The following DCUN1D5 variants were observed in gnomAD, a reference collection of about 807,000 sequenced individuals.
DCUN1D5 encodes the protein DCN1-like protein 5.
Under a neutral mutation model 38.3 loss-of-function variants are expected in DCUN1D5, and 10 were observed. The ratio of observed to expected loss-of-function variants is 0.26; its 90% CI spans 0.16 to 0.44. The LOEUF (loss-of-function observed/expected upper bound fraction) is 0.44. DCUN1D5 is among the 20% of genes least tolerant of loss of function. DCUN1D5 has a pLI of 1.00. For synonymous variants in DCUN1D5, 93 were observed against 90.9 expected (o/e 1.02, Z -0.13); for missense variants, 148 against 275.3 (o/e 0.54, Z 3.27).
chr11:103,066,510 A>G lies in DCUN1D5; in HGVS notation c.399T>C (p.Asn133=), dbSNP rs775318689. 5.6e-6 allele frequency: 9 copies of G among 1,612,946 alleles called. No homozygotes were observed. In the East Asian group the frequency reaches 2.0e-4, roughly 36 times the overall value. Residue 133 remains asparagine, a synonymous_variant, in exon 5 of 8, where the codon AAT becomes AAC. Transcript: ENST00000260247. This position sits in a 1 kb window ranked among gnomAD's most constrained non-coding sequence, Gnocchi z 4.7. ...NKFDFLRSQL[N]DISSFKNIYR... is the part of the protein sequence containing the mutation. ...AGATATTCTTAAATGACGAAATATCATTCAACTGTGAGCGCAAAAAGTCAA... is the reference window on the plus strand; with the variant it reads ...AGATATTCTTAAATGACGAAATATCGTTCAACTGTGAGCGCAAAAAGTCAA...
At position 103,078,887 on chromosome 11, in the gene DCUN1D5, C is replaced by T; in HGVS notation, c.341+3861G>A. Among the ~76,000 whole-genome samples the T allele has an allele frequency of 6.6e-6, 1 of 152,214 alleles. No homozygotes were observed. Among genetic ancestry groups the T allele is most frequent in the East Asian group, 1.9e-4 (1 of 5,196 alleles). ...ACCTACTCAGCTGAAATTAACCTTACTCATCTGTGCTTTCATAGTATCTTG... is the reference window on the plus strand; with the variant it reads ...ACCTACTCAGCTGAAATTAACCTTATTCATCTGTGCTTTCATAGTATCTTG... On this transcript the variant is annotated intron_variant, in intron 4 of 7. Transcript: ENST00000260247. This position sits in a 1 kb window ranked among gnomAD's most constrained non-coding sequence, Gnocchi z 4.6.
rs921781412 is a variant in DCUN1D5, at chr11:103,066,659, G to A, written c.342-92C>T. On this transcript the variant is annotated intron_variant, in intron 4 of 7. Coordinates refer to ENST00000260247, the MANE Select transcript of DCUN1D5 (RefSeq NM_032299.4). This position sits in a 1 kb window ranked among gnomAD's most constrained non-coding sequence, Gnocchi z 4.7. ...TTAGACGTAATGCATTAAGAAAAAA[G>A]TGAGCGCATTTATGAAGTTAATTTA... is the stretch of plus-strand genomic sequence containing the variant. 5.9e-5 allele frequency: 40 copies of A among 678,992 alleles called. No homozygotes were observed. The highest frequency in any genetic ancestry group is 9.0e-5 in the Non-Finnish European group (37 of 408,844). The allele number at this position is 678,992 out of a possible 1,614,324, so 42.1% of individuals were successfully genotyped here.
chr11:103,080,770 A>T (rs970542157), intron 4 of DCUN1D5, among the ~76,000 whole-genome samples: 2 of 152,168 alleles, frequency 1.3e-5, no homozygotes, highest in African/African-American at 2.4e-5. Context: ...GGACTTTGGG[A>T]GGTCGAGGCA....
In DCUN1D5 at chr11:103,060,921, T is replaced by C. The variant is rs1357272703; in HGVS notation, c.*1438A>G. 1.3e-5 allele frequency among the ~76,000 whole-genome samples: 2 copies of C among 152,174 alleles called. No homozygotes were observed. Among genetic ancestry groups the C allele is most frequent in the African/African-American group, 2.4e-5 (1 of 41,450 alleles). On this transcript the variant is annotated 3_prime_UTR_variant, in exon 8 of 8. Coordinates refer to ENST00000260247, the MANE Select transcript of DCUN1D5 (RefSeq NM_032299.4). The stretch of plus-strand genomic sequence containing the variant: ...TCAGTTCATAACTCAGTGATTCTAA[T>C]ACTTAAGAGGAGCATTCTGTATTAT...
Position 103,092,039 on chromosome 11 carries a change from G to A in DCUN1D5, c.-167C>T. 1.6e-6 allele frequency: 1 copy of A among 618,444 alleles called. No homozygotes were observed. Among genetic ancestry groups the A allele is most frequent in the Non-Finnish European group, 2.8e-6 (1 of 355,810 alleles). 38.3% of individuals were successfully genotyped at this position (618,444 alleles called of 1,614,324 possible). On this transcript the variant is annotated 5_prime_UTR_variant, in exon 1 of 8. Coordinates refer to ENST00000260247, the MANE Select transcript of DCUN1D5 (RefSeq NM_032299.4). ...CAGCCCGGCCGCCGCCCGCTCCCAG[G>A]TATCCTCGTCGTCTTTCTCTGACCG...
chr11:103,069,658 T>C (rs1011038143), intron 4 of DCUN1D5, among the ~76,000 whole-genome samples: 2 of 152,210 alleles, frequency 1.3e-5, no homozygotes, highest in African/African-American at 4.8e-5. Flanking sequence ...AAGGCACTCC[T>C]ATCCCTTTCA....
rs1203960026 is a variant in DCUN1D5 at position 103,060,238 on chromosome 11, G to A, written c.*2121C>T. On this transcript the variant is annotated 3_prime_UTR_variant, in exon 8 of 8. Coordinates refer to ENST00000260247, the MANE Select transcript of DCUN1D5 (RefSeq NM_032299.4). ...GGCCTCAGTGGTACTGGACTCCAAA[G>A]TATGGCTAGGGTAGGATAGGACAGT... Among the ~76,000 whole-genome samples the A allele has an allele frequency of 4.6e-5, 7 of 152,210 alleles. No individual in the cohort carries two copies. Among genetic ancestry groups the A allele is most frequent in the East Asian group, 3.9e-4 (2 of 5,176 alleles).
Position 103,058,293 on chromosome 11 carries a change from G to C in DCUN1D5, c.*4066C>G, listed in dbSNP as rs1861926787. Among the ~76,000 whole-genome samples the C allele has an allele frequency of 6.6e-6, 1 of 152,160 alleles. No homozygotes were observed. The highest frequency in any genetic ancestry group is 1.5e-5 in the Non-Finnish European group (1 of 68,026). On this transcript the variant is annotated 3_prime_UTR_variant, in exon 8 of 8. Coordinates refer to ENST00000260247, the MANE Select transcript of DCUN1D5 (RefSeq NM_032299.4). ...CACCAATAACAACTGGTCAGGAAAA[G>C]GAGCAAAGGAAACACTATCTGTACT...
chr11:103,064,521 G>C lies in DCUN1D5; in HGVS notation c.556-144C>G, dbSNP rs1862087204. 1.7e-6 allele frequency: 1 copy of C among 605,370 alleles called. No individual in the cohort carries two copies. Among genetic ancestry groups the C allele is most frequent in the South Asian group, 2.7e-5 (1 of 37,636 alleles). The allele number at this position is 605,370 out of a possible 1,614,324, so 37.5% of individuals were successfully genotyped here. A position where few individuals can be genotyped will look rare whatever the true frequency, so the allele number is the denominator to read the frequency against. On this transcript the variant is annotated intron_variant, in intron 6 of 7. Transcript: ENST00000260247. The surrounding 1 kb of genome is among the most constrained non-coding windows in gnomAD (Gnocchi z 4.5). ...TTTTTAATTATTTGTGTTTCTAAGA[G>C]ATTCCTCATGGGCATTTACATATTA... is the stretch of plus-strand genomic sequence containing the variant.
At position 103,066,144 on chromosome 11, in the gene DCUN1D5, T is replaced by A. The variant is rs371207868; in HGVS notation, c.555+125A>T. 2.3e-4 allele frequency: 129 copies of A among 551,638 alleles called. No individual in the cohort carries two copies. In the East Asian group the frequency reaches 2.7e-3, roughly 12 times the overall value. The allele number at this position is 551,638 out of a possible 1,614,324, so 34.2% of individuals were successfully genotyped here. On this transcript the variant is annotated intron_variant, in intron 6 of 7. Coordinates refer to ENST00000260247, the MANE Select transcript of DCUN1D5 (RefSeq NM_032299.4). The surrounding 1 kb of genome is among the most constrained non-coding windows in gnomAD (Gnocchi z 4.7). ...AAAAATAGCAACTGATATGTACATA[T>A]TTTAGAATTTTTTCTCTAAAGTTTT...
rs1862467859 is a variant in DCUN1D5, at chr11:103,078,521, AT to A, written c.341+4226del. On this transcript the variant is annotated intron_variant, in intron 4 of 7. Coordinates refer to ENST00000260247, the MANE Select transcript of DCUN1D5 (RefSeq NM_032299.4). This position sits in a 1 kb window ranked among gnomAD's most constrained non-coding sequence, Gnocchi z 4.6. ...TTTAAAATATTAAAAACAATTGCTC[AT>A]TGAAAATTATCCCCCAAATCTTTTA... Among the ~76,000 whole-genome samples, 1 of 152,212 alleles carries A rather than the reference AT, an allele frequency of 6.6e-6. No individual in the cohort carries two copies. Among genetic ancestry groups the A allele is most frequent in the Admixed American group, 6.5e-5 (1 of 15,280 alleles).
chr11:103,069,682 C>T (rs1862223424), intron 4 of DCUN1D5, among the ~76,000 whole-genome samples: 1 of 152,196 alleles, frequency 6.6e-6, no homozygotes, highest in South Asian at 2.1e-4. Context: ...AAGAAAGCAT[C>T]AGTAAAAGCG....
chr11:103,076,022 G>T (rs965310503), intron 4 of DCUN1D5, among the ~76,000 whole-genome samples: 2 of 152,134 alleles, frequency 1.3e-5, no homozygotes, highest in African/African-American at 4.8e-5. Flanking sequence ...TGAAAATATG[G>T]AGATGAAGTC....
Position 103,064,668 on chromosome 11 carries a change from A to AAGAT in DCUN1D5, c.556-295_556-292dup, listed in dbSNP as rs1449842665. On this transcript the variant is annotated intron_variant, in intron 6 of 7. Coordinates refer to ENST00000260247, the MANE Select transcript of DCUN1D5 (RefSeq NM_032299.4). This position sits in a 1 kb window ranked among gnomAD's most constrained non-coding sequence, Gnocchi z 4.5. ...TACTTGTGTTACCACCAATGAGATC[A>AAGAT]AGATATATAACATTTCCTACATCCA... Among the ~76,000 whole-genome samples the AAGAT allele has an allele frequency of 1.9e-4, 29 of 152,152 alleles. No homozygotes were observed. The highest frequency in any genetic ancestry group is 2.6e-4 in the Admixed American group (4 of 15,284).
In DCUN1D5 at chr11:103,052,310, CAA is replaced by C. The variant is rs1263698407; in HGVS notation, c.*10047_*10048del. On this transcript the variant is annotated 3_prime_UTR_variant, in exon 8 of 8. Coordinates refer to ENST00000260247, the MANE Select transcript of DCUN1D5 (RefSeq NM_032299.4). ...GTCATTCATTCATTAATTCAGTAAG[CAA>C]ACTCAATTTGCAGGCCATGAGAGAT... 6.6e-6 allele frequency: 1 copy of C among 152,142 alleles called. No individual in the cohort carries two copies. Among genetic ancestry groups the C allele is most frequent in the Non-Finnish European group, 1.5e-5 (1 of 68,010 alleles). 9.4% of individuals were successfully genotyped at this position (152,142 alleles called of 1,614,324 possible). A position where few individuals can be genotyped will look rare whatever the true frequency, so the allele number is the denominator to read the frequency against.
chr11:103,065,449 G>A lies in DCUN1D5; in HGVS notation c.555+820C>T, dbSNP rs1862112337. 6.6e-6 allele frequency among the ~76,000 whole-genome samples: 1 copy of A among 152,036 alleles called. No homozygotes were observed. Among genetic ancestry groups the A allele is most frequent in the African/African-American group, 2.4e-5 (1 of 41,422 alleles). On this transcript the variant is annotated intron_variant, in intron 6 of 7. Transcript: ENST00000260247. This position sits in a 1 kb window ranked among gnomAD's most constrained non-coding sequence, Gnocchi z 4.6. The stretch of plus-strand genomic sequence containing the variant: ...TGGGATTACAGGCGTGTGCCACCAC[G>A]CCCAGCTGATATCACTGTCTTGTAT...
intron 4 of DCUN1D5, among the ~76,000 whole-genome samples, chr11:103,068,123 A>T (rs1862178897): frequency 6.6e-6 from 1 of 152,118 alleles, no homozygotes; most frequent in Non-Finnish European, 1.5e-5. Context: ...AATATGATTA[A>T]AATTTATAAC....
At position 103,057,087 on chromosome 11, in the gene DCUN1D5, AG is replaced by A. The variant is rs147549714; in HGVS notation, c.*5271del. On this transcript the variant is annotated 3_prime_UTR_variant, in exon 8 of 8. Coordinates refer to ENST00000260247, the MANE Select transcript of DCUN1D5 (RefSeq NM_032299.4). This position sits in a 1 kb window ranked among gnomAD's most constrained non-coding sequence, Gnocchi z 4.8. Reference sequence around the variant, plus strand: ...CTATAAACTCTCTCTCAATAGGCATAGTTTCAGGGAATAATGTAAATTTCAA... The same window carrying A: ...CTATAAACTCTCTCTCAATAGGCATATTTCAGGGAATAATGTAAATTTCAA... Among the ~76,000 whole-genome samples the A allele has an allele frequency of 0.035, 5,284 of 152,264 alleles. 310 individuals carry two copies. Among genetic ancestry groups the A allele is most frequent in the African/African-American group, 0.12 (5,003 of 41,522 alleles).
At chr11:103,088,347 G>T (rs1368919333) in intron 2 of DCUN1D5, among the ~76,000 whole-genome samples, 2 of 151,938 alleles carry the variant, frequency 1.3e-5, no homozygotes, top group East Asian at 3.9e-4. Flanking sequence ...AAAAGGAAAA[G>T]AAAAAAGCTT....
Sources: allele counts gnomAD v4.1 joint callset (sites outside exome capture counted in the v4.1 genomes callset), GRCh38; gene constraint gnomAD v4.1.1; non-coding constraint Gnocchi (gnomAD v3.1); transcripts MANE v1.5; gene names NCBI Gene and HGNC (gene_info 2026-07-23, HGNC 2026-07-21).